The following EIF4G3 variants were observed in gnomAD, a reference collection of about 807,000 sequenced individuals.
EIF4G3 encodes eIF-4-gamma 3.
A neutral mutation model predicts 186.4 loss-of-function variants in EIF4G3; 34 were observed. The ratio of observed to expected loss-of-function variants is 0.18; its 90% CI spans 0.14 to 0.24. The LOEUF (loss-of-function observed/expected upper bound fraction) is 0.24. Ranked by LOEUF, EIF4G3 falls within the 10% of genes least tolerant of loss-of-function variation. EIF4G3 has a pLI of 1.00. For missense variants in EIF4G3, 1,536 were observed against 1,948.5 expected, an observed-to-expected ratio of 0.79 and a Z score of 3.99; for synonymous variants, 673 against 679.5, an observed-to-expected ratio of 0.99 and a Z score of 0.15.
chr1:20,910,520 G>A (rs1409484354), intron 14 of EIF4G3, among the ~76,000 whole-genome samples: 1 of 152,148 alleles, frequency 6.6e-6, no homozygotes, highest in African/African-American at 2.4e-5. Context: ...GGAGGTGGAG[G>A]TTGCAGTGAG....
chr1:21,026,974 T>C (rs1427567591), intron 4 of EIF4G3, among the ~76,000 whole-genome samples: 2 of 146,304 alleles, frequency 1.4e-5, no homozygotes, highest in South Asian at 2.1e-4. Context: ...CCTGAATATA[T>C]AGAACTCCTA....
At position 20,852,605 on chromosome 1, in the gene EIF4G3, G is replaced by A. The variant is rs1016809110; in HGVS notation, c.3551+955C>T. Among the ~76,000 whole-genome samples, 3 of 152,196 alleles carry A rather than the reference G, an allele frequency of 2.0e-5. No individual in the cohort carries two copies. In the South Asian group the frequency reaches 6.2e-4, roughly 31 times the overall value. On this transcript the variant is annotated intron_variant, in intron 27 of 36. Coordinates refer to ENST00000602326, the MANE Select transcript of EIF4G3 (RefSeq NM_001391906.1). The stretch of plus-strand genomic sequence containing the variant: ...ACAATTCTAACCAGCTGAGCAAACA[G>A]TTCGTTGGCCCGTGGCAGACCAGAA...
intron 15 of EIF4G3, among the ~76,000 whole-genome samples, 158 bp downstream of exon 15, chr1:20,904,725 T>C (rs1263878360): frequency 6.6e-6 from 1 of 152,222 alleles, no homozygotes; most frequent in African/African-American, 2.4e-5. Context: ...TAAAAATCTT[T>C]TTAAAATTCT....
intron 7 of EIF4G3, among the ~76,000 whole-genome samples, chr1:20,991,504 G>A (rs905440970): frequency 1.3e-5 from 2 of 151,784 alleles, no homozygotes; most frequent in Admixed American, 1.3e-4. Context: ...GGAGGAGGAG[G>A]TTGCAGAGAG....
intron 7 of EIF4G3, among the ~76,000 whole-genome samples, chr1:20,985,705 T>C (rs1291440171): frequency 6.6e-6 from 1 of 152,168 alleles, no homozygotes; most frequent in Non-Finnish European, 1.5e-5. Context: ...TTCAAATTTC[T>C]TTTCTTCTCA....
At chr1:21,008,922 T>C (rs939635547) in intron 4 of EIF4G3, among the ~76,000 whole-genome samples, 1 of 152,168 alleles carries the variant, frequency 6.6e-6, no homozygotes, top group African/African-American at 2.4e-5. Context: ...CCTCAACTCA[T>C]TATACCAAAA....
chr1:21,110,859 G>A (rs1369876053), intron 2 of EIF4G3, among the ~76,000 whole-genome samples: 4 of 152,198 alleles, frequency 2.6e-5, no homozygotes, highest in Non-Finnish European at 4.4e-5. Context: ...GAGCCACTGC[G>A]CCCAGACCCA....
At chr1:21,064,951 G>GTTGTATGCGA (rs1334470663) in intron 3 of EIF4G3, 8 of 151,904 alleles carry the variant, frequency 5.3e-5, no homozygotes, top group African/African-American at 1.9e-4. Context: ...CCAAGACAAG[G>GTTGTATGCGA]TTGTATGCGA....
At chr1:20,857,901 T>A (rs905820529) in intron 24 of EIF4G3, among the ~76,000 whole-genome samples, 4 of 152,244 alleles carry the variant, frequency 2.6e-5, no homozygotes, top group Non-Finnish European at 5.9e-5. Context: ...GAAGTATGCT[T>A]TATTTCCCAA....
intron 30 of EIF4G3, among the ~76,000 whole-genome samples, chr1:20,829,473 A>G (rs1244032009): frequency 6.6e-6 from 1 of 152,190 alleles, no homozygotes; most frequent in Non-Finnish European, 1.5e-5. Flanking sequence ...AGAACAGACA[A>G]AAGCATACTT....
At chr1:20,849,767 C>CT in intron 28 of EIF4G3, among the ~76,000 whole-genome samples, 1 of 152,088 alleles carries the variant, frequency 6.6e-6, no homozygotes. Flanking sequence ...CTAATTAAAG[C>CT]TTTTTTGTTC....
chr1:20,880,177 C>T (rs2081936256), intron 19 of EIF4G3, among the ~76,000 whole-genome samples: 1 of 151,924 alleles, frequency 6.6e-6, no homozygotes, highest in Admixed American at 6.6e-5. Context: ...AGTATCATAC[C>T]AGAGGTCCTA....
At chr1:21,034,908 G>T (rs1472669842) in intron 4 of EIF4G3, among the ~76,000 whole-genome samples, 1 of 152,142 alleles carries the variant, frequency 6.6e-6, no homozygotes, top group Non-Finnish European at 1.5e-5. Context: ...CGCCACCCTG[G>T]CAGGGTCGTA....
chr1:21,117,851 A>C (rs2096856552), intron 2 of EIF4G3, among the ~76,000 whole-genome samples: 1 of 152,080 alleles, frequency 6.6e-6, no homozygotes, highest in Non-Finnish European at 1.5e-5. Flanking sequence ...AGATTGCATG[A>C]ACACAGGAAA....
intron 29 of EIF4G3, among the ~76,000 whole-genome samples, chr1:20,847,475 A>C (rs1045635385): frequency 3.9e-5 from 6 of 152,160 alleles, no homozygotes; most frequent in Admixed American, 2.6e-4. Context: ...CTATACCTCC[A>C]GTTCATCACA....
chr1:21,032,542 G>A (rs1035726677), intron 4 of EIF4G3, among the ~76,000 whole-genome samples: 2 of 151,092 alleles, frequency 1.3e-5, no homozygotes, highest in Admixed American at 6.6e-5. Context: ...GATTTAGTTA[G>A]GAAAAAATGT....
In EIF4G3 at chr1:20,934,334, C is replaced by T. The variant is rs146969560; in HGVS notation, c.1663+7157G>A. ...CAGTTTGGGTCAGAAGAAAAAGATACCATTTAAGTGGCAGCTAAATGGTTA... is the reference window on the plus strand; with the variant it reads ...CAGTTTGGGTCAGAAGAAAAAGATATCATTTAAGTGGCAGCTAAATGGTTA... On this transcript the variant is annotated intron_variant, in intron 14 of 36. Coordinates refer to ENST00000602326, the MANE Select transcript of EIF4G3 (RefSeq NM_001391906.1). 5.9e-5 allele frequency among the ~76,000 whole-genome samples: 9 copies of T among 152,152 alleles called. No homozygotes were observed. The East Asian group carries it at 1.4e-3, about 23-fold the overall frequency.
chr1:21,054,179 T>C (rs939950245), intron 3 of EIF4G3, among the ~76,000 whole-genome samples: 7 of 151,798 alleles, frequency 4.6e-5, no homozygotes, highest in African/African-American at 1.2e-4. Context: ...CCCCCAACCC[T>C]GTGCTCTCTG....
intron 2 of EIF4G3, among the ~76,000 whole-genome samples, chr1:21,143,711 G>C (rs897780059): frequency 5.9e-5 from 9 of 152,152 alleles, no homozygotes; most frequent in Non-Finnish European, 1.2e-4. Flanking sequence ...TTGAGGCCAG[G>C]AGTTTGGGAC....
Sources: allele counts gnomAD v4.1 joint callset (sites outside exome capture counted in the v4.1 genomes callset), GRCh38; gene constraint gnomAD v4.1.1; transcripts MANE v1.5; gene names NCBI Gene and HGNC (gene_info 2026-07-23, HGNC 2026-07-21).